NEK6: variants seen among roughly 807,000 people sequenced by gnomAD.
NEK6 encodes the protein NIMA related kinase 6.
Under a neutral mutation model 43.5 loss-of-function variants are expected in NEK6, and 27 were observed. The observed-to-expected ratio is 0.62, with a 90% CI of 0.46 to 0.86. The LOEUF (loss-of-function observed/expected upper bound fraction) is 0.86. Among genes scored for constraint, NEK6 ranks in the 40% least tolerant of loss-of-function variants. NEK6 has a pLI of 0.00. For synonymous variants in NEK6, 167 were observed against 164.1 expected, an observed-to-expected ratio of 1.02 and a Z score of -0.14; for missense variants, 318 against 414.4, an observed-to-expected ratio of 0.77 and a Z score of 2.02.
At chr9:124,269,777 C>T (rs1831360486) in intron 1 of NEK6, among the ~76,000 whole-genome samples, 1 of 152,118 alleles carries the variant, frequency 6.6e-6, no homozygotes, top group South Asian at 2.1e-4. Context: ...AAATGTGGTT[C>T]TTGAGCCTCT....
chr9:124,291,711 G>A (rs1354106312), intron 1 of NEK6: 3 of 465,560 alleles, frequency 6.4e-6, no homozygotes, highest in African/African-American at 2.1e-5. Flanking sequence ...GGTGGGGAGC[G>A]AGCACAAGGA....
intron 7 of NEK6, among the ~76,000 whole-genome samples, chr9:124,334,356 C>A (rs1829181541): frequency 6.6e-6 from 1 of 152,190 alleles, no homozygotes; most frequent in Admixed American, 6.5e-5. Flanking sequence ...TGGCAATTTG[C>A]AACACTAGCA....
chr9:124,305,345 G>A (rs1484119732), intron 2 of NEK6, among the ~76,000 whole-genome samples: 1 of 152,134 alleles, frequency 6.6e-6, no homozygotes, highest in East Asian at 1.9e-4. Context: ...ACCTGAGTCT[G>A]GAGTTCAAGA....
intron 7 of NEK6, among the ~76,000 whole-genome samples, chr9:124,331,274 C>CA (rs56150651): frequency 1.5e-5 from 2 of 135,214 alleles, no homozygotes; most frequent in African/African-American, 5.5e-5. Flanking sequence ...AAAAAAAAAA[C>CA]AAAACATTTT....
intron 1 of NEK6, 35 bp from the exon 2 acceptor site, chr9:124,301,901 A>C: frequency 2.7e-6 from 4 of 1,508,740 alleles, no homozygotes; most frequent in Non-Finnish European, 3.6e-6. Flanking sequence ...AGGGTCTCAA[A>C]GAGAAAGTGA....
rs532168554 is a variant in NEK6, at chr9:124,331,305, AATC to A, written c.622+3865_622+3867del. Among the ~76,000 whole-genome samples the A allele has an allele frequency of 2.0e-5, 3 of 149,388 alleles. No individual in the cohort carries two copies. In the South Asian group the frequency reaches 6.4e-4, roughly 32 times the overall value. On this transcript the variant is annotated intron_variant, in intron 7 of 9. Transcript: ENST00000320246. ...ATTTTGCTCATTTTGCTTTTTTGTA[AATC>A]ATCACAAGGCTTATTATTATCCCAT...
chr9:124,267,547 G>C (rs781294577), intron 1 of NEK6, among the ~76,000 whole-genome samples: 1 of 152,250 alleles, frequency 6.6e-6, no homozygotes, highest in East Asian at 1.9e-4. Context: ...CTGTGCAGAC[G>C]CTGGGACAAG....
At chr9:124,273,083 A>G (rs1368527768) in intron 1 of NEK6, among the ~76,000 whole-genome samples, 1 of 152,152 alleles carries the variant, frequency 6.6e-6, no homozygotes, top group Non-Finnish European at 1.5e-5. Context: ...GGCCTGAAAA[A>G]TGACCATTTC....
At chr9:124,266,208 G>A (rs1564612442) in intron 1 of NEK6, among the ~76,000 whole-genome samples, 1 of 152,120 alleles carries the variant, frequency 6.6e-6, no homozygotes, top group Admixed American at 6.5e-5. Flanking sequence ...TGCTCCTGTC[G>A]GTAGATGGCC....
intron 1 of NEK6, among the ~76,000 whole-genome samples, chr9:124,288,912 G>A (rs1052619785): frequency 1.2e-4 from 18 of 152,228 alleles, no homozygotes; most frequent in African/African-American, 4.3e-4. Context: ...ATTGCCCCAC[G>A]TTGAAATTAA....
At chr9:124,339,790 C>G in intron 8 of NEK6, 125 bp downstream of exon 8, 1 of 718,524 alleles carries the variant, frequency 1.4e-6, no homozygotes, top group South Asian at 1.6e-5. Context: ...CCTGAGGCAT[C>G]GGTACCACCA....
intron 2 of NEK6, among the ~76,000 whole-genome samples, chr9:124,304,956 T>C (rs896279688): frequency 6.6e-6 from 1 of 152,186 alleles, no homozygotes; most frequent in African/African-American, 2.4e-5. Flanking sequence ...AGAGCTTTCA[T>C]TGGGAATGAA....
chr9:124,292,542 G>C, intron 1 of NEK6: 1 of 1,537,004 alleles, frequency 6.5e-7, no homozygotes, highest in Non-Finnish European at 8.7e-7. Flanking sequence ...GACCCAGGGT[G>C]AGTTTTTTAC....
At chr9:124,270,047 C>T (rs1373833997) in intron 1 of NEK6, among the ~76,000 whole-genome samples, 1 of 151,948 alleles carries the variant, frequency 6.6e-6, no homozygotes, top group African/African-American at 2.4e-5. Flanking sequence ...AATGTGCCAG[C>T]TGCAGTAGCC....
chr9:124,334,102 C>G (rs1377110393), intron 7 of NEK6, among the ~76,000 whole-genome samples: 1 of 152,202 alleles, frequency 6.6e-6, no homozygotes, highest in Admixed American at 6.5e-5. Context: ...TAGACATGGT[C>G]TACTGGCTGT....
At chr9:124,264,913 C>T (rs893976159) in intron 1 of NEK6, among the ~76,000 whole-genome samples, 1 of 151,968 alleles carries the variant, frequency 6.6e-6, no homozygotes, top group Admixed American at 6.6e-5. Context: ...ACGTGAGCTC[C>T]GGGGAGGCGA....
Position 124,275,414 on chromosome 9 carries a change from TG to T in NEK6, c.-30+17332del, listed in dbSNP as rs1362031302. On this transcript the variant is annotated intron_variant, in intron 1 of 9. Coordinates refer to ENST00000320246, the MANE Select transcript of NEK6 (RefSeq NM_014397.6). The surrounding 1 kb of genome is among the most constrained non-coding windows in gnomAD (Gnocchi z 4.4). The stretch of plus-strand genomic sequence containing the variant: ...TGACGGTCATGGAGCCCAGAACCCA[TG>T]GGTAACGGGGTCAGCATTCAGAAGT... 1.1e-4 allele frequency among the ~76,000 whole-genome samples: 17 copies of T among 152,102 alleles called. No homozygotes were observed. The highest frequency in any genetic ancestry group is 3.9e-4 in the African/African-American group (16 of 41,420).
At chr9:124,258,201 G>A (rs1830884243) in intron 1 of NEK6, 116 bp downstream of exon 1, 2 of 975,792 alleles carry the variant, frequency 2.0e-6, no homozygotes, top group African/African-American at 1.8e-5. Context: ...CGCGCCCACG[G>A]CTCCGCGGGG....
intron 5 of NEK6, among the ~76,000 whole-genome samples, chr9:124,325,398 G>A (rs1041182056): frequency 1.7e-4 from 26 of 152,208 alleles, no homozygotes; most frequent in Admixed American, 1.4e-3. Flanking sequence ...CCAGGCCAGT[G>A]TGTCCTGGTC....
Sources: allele counts gnomAD v4.1 joint callset (sites outside exome capture counted in the v4.1 genomes callset), GRCh38; gene constraint gnomAD v4.1.1; non-coding constraint Gnocchi (gnomAD v3.1); transcripts MANE v1.5; gene names NCBI Gene and HGNC (gene_info 2026-07-23, HGNC 2026-07-21).